Variants in GPSM2 observed in about 807,000 individuals in gnomAD.
The protein encoded by GPSM2 is G protein-signaling modulator 2.
In GPSM2, 58 loss-of-function variants were observed where a neutral mutation model predicts 78.4. The observed-to-expected ratio is 0.74, with a 90% confidence interval of 0.60 to 0.92. GPSM2 has a LOEUF of 0.92. Ranked by LOEUF, GPSM2 falls within the 40% of genes least tolerant of loss-of-function variation. GPSM2 has a pLI of 0.00. For missense variants in GPSM2, 700 were observed against 815.5 expected (o/e 0.86, Z 1.73); for synonymous variants, 224 against 280.2 (o/e 0.80, Z 2.00).
At position 108,910,476 on chromosome 1, in the gene GPSM2, C is replaced by T. The variant is rs1221761012; in HGVS notation, c.1193-3862C>T. Among the ~76,000 whole-genome samples the T allele has an allele frequency of 5.9e-5, 9 of 152,078 alleles. No individual in the cohort carries two copies. In the East Asian group the frequency reaches 1.7e-3, roughly 29 times the overall value. On this transcript the variant is annotated intron_variant, in intron 10 of 14. Coordinates refer to ENST00000264126, the MANE Select transcript of GPSM2 (RefSeq NM_013296.5). ...ATATCCAAACTAGACAAGAACAATA[C>T]AAGAAAAGTAAATTACCGGCCAGCC...
At chr1:108,912,207 T>C (rs544771252) in intron 10 of GPSM2, among the ~76,000 whole-genome samples, 30 of 152,260 alleles carry the variant, frequency 2.0e-4, no homozygotes, top group African/African-American at 7.2e-4. Context: ...CATGAAGTTA[T>C]TCATAAGTTT....
intron 13 of GPSM2, among the ~76,000 whole-genome samples, chr1:108,922,858 G>C (rs1650828925): frequency 6.6e-6 from 1 of 152,052 alleles, no homozygotes; most frequent in South Asian, 2.1e-4. Flanking sequence ...AGCCAGGTGT[G>C]GTGGTGCATG....
chr1:108,919,273 G>A (rs559230895), intron 12 of GPSM2, among the ~76,000 whole-genome samples: 2 of 152,232 alleles, frequency 1.3e-5, no homozygotes, highest in African/African-American at 4.8e-5. Context: ...CTCCCAAAGT[G>A]CTGGGATTAC....
At position 108,904,244 on chromosome 1, in the gene GPSM2, C is replaced by T. The variant is rs1410442235; in HGVS notation, c.1182C>T (p.Ser394=). 2.5e-6 allele frequency: 4 copies of T among 1,591,710 alleles called. No individual in the cohort carries two copies. Among genetic ancestry groups the T allele is most frequent in the Non-Finnish European group, 8.6e-7 (1 of 1,161,034 alleles). The stretch of plus-strand genomic sequence containing the variant: ...TGTCTGAAAATACTGAAATTGATAG[C>T]AGTTTGAATGGTAAGTAATAGGACT... ...SIMSENTEID[S]SLNGVRPKLG... is the part of the protein sequence containing the mutation. The change falls in exon 10 of 15, where the codon AGC becomes AGT. Residue 394 remains serine, a synonymous_variant. Coordinates refer to ENST00000264126, the MANE Select transcript of GPSM2 (RefSeq NM_013296.5).
intron 1 of GPSM2, among the ~76,000 whole-genome samples, chr1:108,879,680 A>G (rs1665802118): frequency 6.6e-6 from 1 of 152,134 alleles, no homozygotes; most frequent in South Asian, 2.1e-4. Context: ...TAAAAATACA[A>G]TAGTTAGCCC....
rs367811611 is a variant in GPSM2 at position 108,898,631 on chromosome 1, C to T, written c.558-11C>T. 18 of 1,611,794 alleles carry T rather than the reference C, an allele frequency of 1.1e-5. No homozygotes were observed. The African/African-American group carries it at 1.5e-4, about 13-fold the overall frequency. ...AAACTTATTTTTTCATCACTTTTTG[C>T]GATCCCTTAGGGAAAACCTATCATT... On this transcript the variant is annotated splice_polypyrimidine_tract_variant and intron_variant, in intron 5 of 14. Transcript: ENST00000264126.
intron 10 of GPSM2, among the ~76,000 whole-genome samples, chr1:108,908,600 G>A (rs1297046928): frequency 6.6e-6 from 1 of 151,568 alleles, no homozygotes; most frequent in Non-Finnish European, 1.5e-5. Context: ...GCGTGAACCT[G>A]GGGGGCGGAG....
chr1:108,886,071 A>G (rs1053396531), intron 2 of GPSM2, among the ~76,000 whole-genome samples: 1 of 151,094 alleles, frequency 6.6e-6, no homozygotes, highest in Non-Finnish European at 1.5e-5. Flanking sequence ...CTTTTTCTAT[A>G]TTATCAGAGA....
At chr1:108,878,657 A>T (rs1665745960) in intron 1 of GPSM2, among the ~76,000 whole-genome samples, 1 of 152,278 alleles carries the variant, frequency 6.6e-6, no homozygotes, top group South Asian at 2.1e-4. Context: ...AAAATGGAAA[A>T]TCTGACATAG....
chr1:108,879,600 C>T (rs12752045), intron 1 of GPSM2, among the ~76,000 whole-genome samples: 13,916 of 152,054 alleles, frequency 0.092, 686 homozygotes, highest in Non-Finnish European at 0.1. Context: ...TTTGGGAGGC[C>T]GAGGTGGGCG....
intron 7 of GPSM2, 42 bp downstream of exon 7, chr1:108,899,036 C>G (rs1418186802): frequency 3.5e-6 from 4 of 1,146,234 alleles, no homozygotes; most frequent in Non-Finnish European, 5.3e-6. Context: ...AATGAATACT[C>G]AGTCCCATTA....
chr1:108,908,637 T>C (rs1238075422), intron 10 of GPSM2, among the ~76,000 whole-genome samples: 1 of 147,718 alleles, frequency 6.8e-6, no homozygotes, highest in Non-Finnish European at 1.5e-5. Context: ...ATCGCGCCAC[T>C]GCACTCCAGC....
At chr1:108,921,382 T>G (rs1570951014) in intron 12 of GPSM2, among the ~76,000 whole-genome samples, 1 of 149,942 alleles carries the variant, frequency 6.7e-6, no homozygotes, top group Admixed American at 6.7e-5. Context: ...ATCATACCAC[T>G]GCACTTCAGC....
rs114739785 is a variant in GPSM2, at chr1:108,892,404, A to G, written c.57-4460A>G. 5.1e-3 allele frequency among the ~76,000 whole-genome samples: 773 copies of G among 152,342 alleles called. 3 individuals are homozygous for G. Among genetic ancestry groups the G allele is most frequent in the Non-Finnish European group, 9.1e-3 (616 of 68,030 alleles). On this transcript the variant is annotated intron_variant, in intron 2 of 14. Transcript: ENST00000264126. Reference sequence around the variant, plus strand: ...AGAGAAGTTAAAAATTAAAAGAAAAATTGAAATGACATGAGTTTGCACAGA... The same window carrying G: ...AGAGAAGTTAAAAATTAAAAGAAAAGTTGAAATGACATGAGTTTGCACAGA...
chr1:108,912,125 G>T (rs1393537404), intron 10 of GPSM2, among the ~76,000 whole-genome samples: 3 of 152,040 alleles, frequency 2.0e-5, no homozygotes, highest in Non-Finnish European at 2.9e-5. Context: ...TTTTATAAAA[G>T]ATTTCAGTTC....
At chr1:108,880,084 C>T (rs1184819284) in intron 1 of GPSM2, among the ~76,000 whole-genome samples, 3 of 152,198 alleles carry the variant, frequency 2.0e-5, no homozygotes, top group Non-Finnish European at 2.9e-5. Context: ...AAAAAGTTTT[C>T]CCTGGTCCTT....
chr1:108,931,803 CAA>C lies in GPSM2; in HGVS notation c.*1865_*1866del, dbSNP rs1186638511. 5.3e-6 allele frequency: 1 copy of C among 190,464 alleles called. No homozygotes were observed. Among genetic ancestry groups the C allele is most frequent in the Non-Finnish European group, 1.1e-5 (1 of 93,158 alleles). The allele number at this position is 190,464 out of a possible 1,614,324, so 11.8% of individuals were successfully genotyped here. A position where few individuals can be genotyped will look rare whatever the true frequency, so the allele number is the denominator to read the frequency against. On this transcript the variant is annotated 3_prime_UTR_variant, in exon 15 of 15. Coordinates refer to ENST00000264126, the MANE Select transcript of GPSM2 (RefSeq NM_013296.5). ...CCACAACGTAAAAAGTTTGTGTATA[CAA>C]ACTTTTTGTATTATTTGTACACAAA...
At chr1:108,897,717 T>A (rs1648479154) in intron 4 of GPSM2, 90 bp downstream of exon 4, 5 of 1,180,190 alleles carry the variant, frequency 4.2e-6, no homozygotes, top group Non-Finnish European at 5.9e-6. Flanking sequence ...TAGTTTATTT[T>A]AAAATTAATA....
At chr1:108,885,173 C>T (rs2101326358) in intron 1 of GPSM2, 102 bp from the exon 2 acceptor site, 2 of 184,474 alleles carry the variant, frequency 1.1e-5, no homozygotes, top group East Asian at 1.4e-4. Context: ...GACATGACAG[C>T]AGTCTGCAGA....
Sources: allele counts gnomAD v4.1 joint callset (sites outside exome capture counted in the v4.1 genomes callset), GRCh38; gene constraint gnomAD v4.1.1; transcripts MANE v1.5; gene names NCBI Gene and HGNC (gene_info 2026-07-23, HGNC 2026-07-21).